The following ELF1 variants were observed in gnomAD, a reference collection of about 807,000 sequenced individuals.
ELF1 encodes the protein ETS-related transcription factor Elf-1.
In ELF1, 24 loss-of-function variants were observed where a neutral mutation model predicts 59.9. The ratio of observed to expected loss-of-function variants is 0.40; its 90% confidence interval spans 0.29 to 0.56. ELF1 has a LOEUF of 0.56. ELF1 is among the 20% of genes least tolerant of loss of function. The probability of loss-of-function intolerance (pLI) is 0.44; values close to 1 mark genes in which losing one functional copy is unlikely to be tolerated. For synonymous variants in ELF1, 248 were observed against 266.2 expected (o/e 0.93, Z 0.67); for missense variants, 627 against 742.2 (o/e 0.84, Z 1.80).
At chr13:41,021,851 G>A (rs186972306), upstream of ELF1, among the ~76,000 whole-genome samples, 1 of 152,212 alleles carries the variant, frequency 6.6e-6, no homozygotes, top group Admixed American at 6.5e-5. Context: ...ATACTCAATA[G>A]GGAAATGCAA....
intron 3 of ELF1, among the ~76,000 whole-genome samples, chr13:40,955,027 C>A (rs1445388757): frequency 1.3e-5 from 2 of 150,278 alleles, no homozygotes; most frequent in Non-Finnish European, 3.0e-5. Context: ...GGCTGCCCAT[C>A]GTCTGAGATG....
intron 1 of ELF1, among the ~76,000 whole-genome samples, chr13:41,043,466 T>C (rs1299492656): frequency 2.6e-5 from 4 of 152,226 alleles, no homozygotes; most frequent in Admixed American, 6.5e-5. Flanking sequence ...TAATCCATCT[T>C]TAATTAATTT....
At chr13:41,021,072 T>C (rs1427395830), upstream of ELF1, among the ~76,000 whole-genome samples, 1 of 152,184 alleles carries the variant, frequency 6.6e-6, no homozygotes, top group Non-Finnish European at 1.5e-5. Flanking sequence ...CTAAGTATAT[T>C]ACCATACACT....
At chr13:41,022,794 G>A (rs1323932480), upstream of ELF1, among the ~76,000 whole-genome samples, 1 of 152,104 alleles carries the variant, frequency 6.6e-6, no homozygotes, top group African/African-American at 2.4e-5. Context: ...CAGGAGAATC[G>A]CTTGAACCTG....
chr13:41,030,042 A>G (rs143494553), intron 1 of ELF1, among the ~76,000 whole-genome samples: 1 of 151,814 alleles, frequency 6.6e-6, no homozygotes, highest in Admixed American at 6.6e-5. Context: ...AAACTTGGGA[A>G]TAATTACCAT....
intron 2 of ELF1, among the ~76,000 whole-genome samples, chr13:40,968,951 C>T (rs1352682673): frequency 6.6e-6 from 1 of 152,124 alleles, no homozygotes; most frequent in East Asian, 1.9e-4. Flanking sequence ...AACTCCTGGG[C>T]TTAAGCAGTC....
At chr13:40,949,233 A>C (rs186239888) in intron 5 of ELF1, among the ~76,000 whole-genome samples, 2 of 150,988 alleles carry the variant, frequency 1.3e-5, no homozygotes, top group Non-Finnish European at 3.0e-5. Context: ...TTATCCACCC[A>C]CCCCCACCTC....
chr13:41,028,990 G>A (rs1335659893), intron 1 of ELF1, among the ~76,000 whole-genome samples: 1 of 152,144 alleles, frequency 6.6e-6, no homozygotes. Context: ...TAATCTGCCT[G>A]CCTCGGCCTC....
chr13:41,044,776 C>T (rs1044861875), intron 1 of ELF1, among the ~76,000 whole-genome samples: 3 of 151,978 alleles, frequency 2.0e-5, no homozygotes, highest in African/African-American at 7.3e-5. Flanking sequence ...GTGTCTCTGC[C>T]CGGCTTTGGT....
At chr13:41,053,470 G>A (rs1388512056) in intron 1 of ELF1, among the ~76,000 whole-genome samples, 1 of 152,056 alleles carries the variant, frequency 6.6e-6, no homozygotes, top group African/African-American at 2.4e-5. Flanking sequence ...GTGGCAAGGG[G>A]GTCAATCAAT....
chr13:40,974,771 C>T (rs1246976436), intron 2 of ELF1, among the ~76,000 whole-genome samples: 1 of 152,164 alleles, frequency 6.6e-6, no homozygotes, highest in East Asian at 1.9e-4. Flanking sequence ...CACACTGACT[C>T]CTCTTTCATA....
At chr13:41,057,026 T>A (rs923672972) in intron 1 of ELF1, among the ~76,000 whole-genome samples, 1 of 152,230 alleles carries the variant, frequency 6.6e-6, no homozygotes, top group African/African-American at 2.4e-5. Context: ...CCAGATAATG[T>A]TGGACCTATG....
chr13:40,974,638 T>C (rs1872792193), intron 2 of ELF1, among the ~76,000 whole-genome samples: 1 of 152,196 alleles, frequency 6.6e-6, no homozygotes, highest in Admixed American at 6.5e-5. Context: ...CTAGTCCATG[T>C]TCTACCCTAT....
chr13:41,044,248 C>G (rs999313167), intron 1 of ELF1, among the ~76,000 whole-genome samples: 1 of 152,094 alleles, frequency 6.6e-6, no homozygotes, highest in Non-Finnish European at 1.5e-5. Flanking sequence ...GCAAAGAGGG[C>G]CAATTTGATT....
intron 1 of ELF1, among the ~76,000 whole-genome samples, chr13:41,032,087 A>G (rs529688163): frequency 6.6e-6 from 1 of 152,158 alleles, no homozygotes; most frequent in East Asian, 1.9e-4. Flanking sequence ...ATACACCAAA[A>G]TTTCAGTTCT....
chr13:41,054,926 C>A (rs975762447), intron 1 of ELF1, among the ~76,000 whole-genome samples: 1 of 152,234 alleles, frequency 6.6e-6, no homozygotes, highest in South Asian at 2.1e-4. Context: ...AAGAGGCTTC[C>A]AAAATCTCCT....
In ELF1 at chr13:40,940,386, GAAAAAAAAAAAAAA is replaced by G. The variant is rs375400990; in HGVS notation, c.1256+521_1256+534del. Among the ~76,000 whole-genome samples the G allele has an allele frequency of 1.8e-3, 193 of 109,876 alleles. 2 individuals carry two copies. The highest frequency in any genetic ancestry group is 7.6e-3 in the East Asian group (15 of 1,970). The allele number at this position is 109,876 out of a possible 152,430, so 72.1% of individuals were successfully genotyped here. A position where few individuals can be genotyped will look rare whatever the true frequency, so the allele number is the denominator to read the frequency against. On this transcript the variant is annotated intron_variant, in intron 8 of 8. Transcript: ENST00000239882. ...GCTCTGAGGCAAATCTGATTTAACT[GAAAAAAAAAAAAAA>G]AAAAAAAAAAAAAAAAAACAAACCT...
At chr13:40,955,062 C>T (rs986661640) in intron 3 of ELF1, among the ~76,000 whole-genome samples, 11 of 150,078 alleles carry the variant, frequency 7.3e-5, no homozygotes, top group Non-Finnish European at 1.2e-4. Context: ...GCCCTGCCGC[C>T]CTGTCTGGGA....
In ELF1 at chr13:40,951,422, G is replaced by C; in HGVS notation, c.268C>G (p.His90Asp). The stretch of plus-strand genomic sequence containing the variant: ...GTTTCAATTGTTTCATCCCCGTCAT[G>C]ACAAGAAGCTTCAACTGCAACACAT... ...DITLTVEASC[H>D]DGDETIETIE... is the part of the protein sequence containing the mutation. Residue 90 changes from histidine (H) to aspartate (D), a missense_variant, in exon 4 of 9, where the codon CAT becomes GAT. His to Asp is a moderately conservative substitution (Grantham distance 81). Coordinates refer to ENST00000239882, the MANE Select transcript of ELF1 (RefSeq NM_172373.4). The C allele has an allele frequency of 6.2e-7, 1 of 1,613,612 alleles. No individual in the cohort carries two copies. The highest frequency in any genetic ancestry group is 8.5e-7 in the Non-Finnish European group (1 of 1,179,808).
Sources: allele counts gnomAD v4.1 joint callset (sites outside exome capture counted in the v4.1 genomes callset), GRCh38; gene constraint gnomAD v4.1.1; transcripts MANE v1.5; gene names NCBI Gene and HGNC (gene_info 2026-07-23, HGNC 2026-07-21).